NTNG2: variants seen among roughly 807,000 people sequenced by gnomAD.
NTNG2 encodes the protein netrin G2.
Under a neutral mutation model 47.6 loss-of-function variants are expected in NTNG2, and 15 were observed. That is an observed-to-expected ratio of 0.32 (90% CI 0.21 to 0.49). The LOEUF is 0.49. Ranked by LOEUF, NTNG2 falls within the 20% of genes least tolerant of loss-of-function variation. The pLI, the probability that NTNG2 is intolerant of heterozygous loss-of-function variation, is 0.99. For missense variants in NTNG2, 578 were observed against 764.6 expected, an observed-to-expected ratio of 0.76 and a Z score of 2.88; for synonymous variants, 307 against 324.6, an observed-to-expected ratio of 0.95 and a Z score of 0.58.
chr9:132,168,639 C>T (rs928491912), intron 2 of NTNG2, among the ~76,000 whole-genome samples: 6 of 151,948 alleles, frequency 3.9e-5, no homozygotes, highest in African/African-American at 1.2e-4. Context: ...CCCCGGGGAC[C>T]GCAGGGCCAA....
chr9:132,238,766 C>G (rs966658751), intron 5 of NTNG2, among the ~76,000 whole-genome samples: 5 of 152,234 alleles, frequency 3.3e-5, no homozygotes, highest in Non-Finnish European at 7.3e-5. Flanking sequence ...TCTAATCACC[C>G]CGGCATGTGG....
At position 132,223,705 on chromosome 9, in the gene NTNG2, C is replaced by T. The variant is rs116438622; in HGVS notation, c.858-3144C>T. Among the ~76,000 whole-genome samples the T allele has an allele frequency of 8.6e-3, 1,302 of 152,258 alleles. 18 individuals carry two copies. Among genetic ancestry groups the T allele is most frequent in the African/African-American group, 0.028 (1,162 of 41,538 alleles). ...AAGATGCCGCACACCCCAGGCGGGA[C>T]GGGTGGGCCCAGGTGCCCTGCCCTG... On this transcript the variant is annotated intron_variant, in intron 3 of 7. Transcript: ENST00000393229.
intron 4 of NTNG2, 88 bp downstream of exon 4, chr9:132,227,109 A>G: frequency 7.2e-7 from 1 of 1,389,036 alleles, no homozygotes; most frequent in East Asian, 2.5e-5. Flanking sequence ...ATACACACGC[A>G]CACAAACCTG....
At chr9:132,198,646 C>T (rs1838506611) in intron 3 of NTNG2, 37 bp downstream of exon 3, 1 of 1,580,802 alleles carries the variant, frequency 6.3e-7, no homozygotes, top group South Asian at 1.1e-5. Context: ...CACCTGCAAC[C>T]TGGGATGCTA....
At chr9:132,220,812 A>T (rs1357633120) in intron 3 of NTNG2, among the ~76,000 whole-genome samples, 1 of 152,056 alleles carries the variant, frequency 6.6e-6, no homozygotes, top group Non-Finnish European at 1.5e-5. Flanking sequence ...GTTAATTTTT[A>T]TATGTGATGT....
chr9:132,189,838 A>G (rs1193324451), intron 2 of NTNG2, among the ~76,000 whole-genome samples: 1 of 151,136 alleles, frequency 6.6e-6, no homozygotes, highest in East Asian at 2.0e-4. Context: ...TAGTAGAGAC[A>G]GGGTTTCACC....
chr9:132,193,833 C>T (rs780188500), intron 2 of NTNG2, among the ~76,000 whole-genome samples: 3 of 152,128 alleles, frequency 2.0e-5, no homozygotes, highest in Non-Finnish European at 4.4e-5. Context: ...GGCTGAAAGT[C>T]CAAGATGAAG....
intron 2 of NTNG2, among the ~76,000 whole-genome samples, chr9:132,195,250 A>G (rs1330134122): frequency 6.6e-6 from 1 of 151,076 alleles, no homozygotes; most frequent in Non-Finnish European, 1.5e-5. Context: ...TATTATCCAC[A>G]TCTTGCATTA....
rs1840782144 is a variant in NTNG2 at position 132,226,672 on chromosome 9, C to A, written c.858-177C>A. Among the ~76,000 whole-genome samples, 1 of 152,234 alleles carries A rather than the reference C, an allele frequency of 6.6e-6. No homozygotes were observed. The highest frequency in any genetic ancestry group is 1.5e-5 in the Non-Finnish European group (1 of 68,038). On this transcript the variant is annotated intron_variant, in intron 3 of 7. Transcript: ENST00000393229. This position sits in a 1 kb window ranked among gnomAD's most constrained non-coding sequence, Gnocchi z 4.8. ...TTGGAACACGGCGTTGATCTCTCTG[C>A]AGGAAGGGGAATCAAGGAGTTTCTG...
Position 132,162,063 on chromosome 9 carries a change from G to GACGGCGGCGGCGGCGGCGGCC in NTNG2, c.-657_-637dup, listed in dbSNP as rs1835071612. Reference sequence around the variant, plus strand: ...CCGGAGGGCTCCCTGGCCCCGATCTGACGGCGGCGGCGGCGGCGGCCACAG... The same window carrying GACGGCGGCGGCGGCGGCGGCC: ...CCGGAGGGCTCCCTGGCCCCGATCTGACGGCGGCGGCGGCGGCGGCCACGGCGGCGGCGGCGGCGGCCACAG... On this transcript the variant is annotated 5_prime_UTR_variant, in exon 1 of 8. Transcript: ENST00000393229. The surrounding 1 kb of genome is among the most constrained non-coding windows in gnomAD (Gnocchi z 4.6). The GACGGCGGCGGCGGCGGCGGCC allele has an allele frequency of 6.6e-6, 1 of 151,208 alleles. No homozygotes were observed. The highest frequency in any genetic ancestry group is 6.7e-5 in the Admixed American group (1 of 15,032). The allele number at this position is 151,208 out of a possible 1,614,324, so 9.4% of individuals were successfully genotyped here. A position where few individuals can be genotyped will look rare whatever the true frequency, so the allele number is the denominator to read the frequency against.
At chr9:132,207,650 C>T (rs1169785867) in intron 3 of NTNG2, among the ~76,000 whole-genome samples, 3 of 152,178 alleles carry the variant, frequency 2.0e-5, no homozygotes, top group African/African-American at 2.4e-5. Flanking sequence ...CATATCTTTT[C>T]GGGAGACACG....
chr9:132,169,706 G>A lies in NTNG2; in HGVS notation c.213+2662G>A, dbSNP rs77858664. ...AGAAACCATAATGTAGGAGTGTCAC[G>A]GTGCTGGCGGGACGGCACAGCCCGG... On this transcript the variant is annotated intron_variant, in intron 2 of 7. Coordinates refer to ENST00000393229, the MANE Select transcript of NTNG2 (RefSeq NM_032536.4). Among the ~76,000 whole-genome samples, 868 of 152,340 alleles carry A rather than the reference G, an allele frequency of 5.7e-3. 33 individuals carry two copies. The East Asian group carries it at 0.092, about 16-fold the overall frequency.
chr9:132,184,229 C>CGGA (rs959230839), intron 2 of NTNG2, among the ~76,000 whole-genome samples: 3 of 152,190 alleles, frequency 2.0e-5, no homozygotes, highest in Admixed American at 2.0e-4. Context: ...AAGAAACCCT[C>CGGA]GGAGGTCGCA....
chr9:132,238,027 C>T (rs1418486884), intron 5 of NTNG2, among the ~76,000 whole-genome samples: 1 of 152,106 alleles, frequency 6.6e-6, no homozygotes. Context: ...GTCAGTCCCT[C>T]ATCCCATCAC....
chr9:132,216,086 A>G (rs2130861705), intron 3 of NTNG2, among the ~76,000 whole-genome samples: 1 of 152,154 alleles, frequency 6.6e-6, no homozygotes, highest in South Asian at 2.1e-4. Context: ...GCCTAGCTTG[A>G]GGGGTCAGAG....
Position 132,226,901 on chromosome 9 carries a change from C to CAGTGCG in NTNG2, c.919_924dup (p.Cys307_Glu308dup). On this transcript the variant is annotated inframe_insertion, in exon 4 of 8. Transcript: ENST00000393229. The surrounding 1 kb of genome is among the most constrained non-coding windows in gnomAD (Gnocchi z 4.8). ...GTGCTCCATGCGCGAGGGCAGCCTG[C>CAGTGCG]AGTGCGAGTGCGAGCACAACACCAC... 6.2e-7 allele frequency: 1 copy of CAGTGCG among 1,612,518 alleles called. No homozygotes were observed. The highest frequency in any genetic ancestry group is 8.5e-7 in the Non-Finnish European group (1 of 1,179,542).
intron 2 of NTNG2, among the ~76,000 whole-genome samples, chr9:132,176,688 T>C (rs1308534667): frequency 1.3e-5 from 2 of 152,238 alleles, no homozygotes; most frequent in Non-Finnish European, 2.9e-5. Context: ...TATGTCTTCA[T>C]TTCTCTTGGC....
intron 2 of NTNG2, among the ~76,000 whole-genome samples, chr9:132,188,156 T>C (rs1013763072): frequency 6.6e-5 from 10 of 152,096 alleles, no homozygotes; most frequent in African/African-American, 2.4e-4. Context: ...CACGATTGCT[T>C]CCCCCGTGCT....
chr9:132,220,207 G>A (rs181964277), intron 3 of NTNG2, among the ~76,000 whole-genome samples: 1 of 152,268 alleles, frequency 6.6e-6, no homozygotes, highest in Admixed American at 6.5e-5. Context: ...TTATTATTGA[G>A]TTATAAGTGT....
Sources: allele counts gnomAD v4.1 joint callset (sites outside exome capture counted in the v4.1 genomes callset), GRCh38; gene constraint gnomAD v4.1.1; non-coding constraint Gnocchi (gnomAD v3.1); transcripts MANE v1.5; gene names NCBI Gene and HGNC (gene_info 2026-07-23, HGNC 2026-07-21).